The following GRB10 variants were observed in gnomAD, a reference collection of about 807,000 sequenced individuals.
The protein encoded by GRB10 is growth factor receptor-bound protein 10.
Under a neutral mutation model 80.9 loss-of-function variants are expected in GRB10, and 20 were observed. The ratio of observed to expected loss-of-function variants is 0.25; its 90% confidence interval spans 0.17 to 0.36. GRB10 has a LOEUF of 0.36. Ranked by LOEUF, GRB10 falls within the 10% of genes least tolerant of loss-of-function variation. The probability of loss-of-function intolerance (pLI) is 1.00; values close to 1 mark genes in which losing one functional copy is unlikely to be tolerated. For missense variants in GRB10, 548 were observed against 747.7 expected (o/e 0.73, Z 3.12); for synonymous variants, 291 against 291.5 (o/e 1.00, Z 0.02).
chr7:50,710,870 C>G (rs751351190), intron 4 of GRB10: 21 of 1,612,606 alleles, frequency 1.3e-5, no homozygotes, highest in Non-Finnish European at 1.8e-5. Context: ...ACAGCGGGCA[C>G]TGACCTTACT....
At chr7:50,732,403 GAAAA>G (rs796741671) in intron 3 of GRB10, 35 bp from the exon 4 acceptor site, 8 of 914,792 alleles carry the variant, frequency 8.7e-6, no homozygotes, top group Non-Finnish European at 1.2e-5. Context: ...AGCCAAGCCA[GAAAA>G]AAAAAAAAAA....
intron 7 of GRB10, among the ~76,000 whole-genome samples, chr7:50,636,851 T>C (rs1372325935): frequency 9.2e-6 from 1 of 108,390 alleles, no homozygotes; most frequent in Non-Finnish European, 2.1e-5. Context: ...TCACCACTAC[T>C]ATTAAACGTA....
intron 7 of GRB10, among the ~76,000 whole-genome samples, chr7:50,636,065 C>A (rs2054963378): frequency 6.7e-6 from 1 of 148,674 alleles, no homozygotes; most frequent in South Asian, 2.1e-4. Context: ...GCAACCTCTG[C>A]CTCCTGGGTT....
At chr7:50,785,000 G>A (rs2078633788), upstream of GRB10, among the ~76,000 whole-genome samples, 1 of 152,258 alleles carries the variant, frequency 6.6e-6, no homozygotes, top group Admixed American at 6.5e-5. Context: ...CAGGGACACA[G>A]GTCTCTGGAC....
chr7:50,700,392 C>T, intron 5 of GRB10, among the ~76,000 whole-genome samples: 1 of 152,128 alleles, frequency 6.6e-6, no homozygotes, highest in East Asian at 1.9e-4. Context: ...CGTGCTCTTA[C>T]CATGATTTTC....
intron 7 of GRB10, among the ~76,000 whole-genome samples, chr7:50,633,169 A>T (rs1031845466): frequency 1.3e-5 from 2 of 152,180 alleles, no homozygotes; most frequent in Non-Finnish European, 2.9e-5. Context: ...GGGGGATGAG[A>T]TAAGCCTCCT....
intron 7 of GRB10, among the ~76,000 whole-genome samples, chr7:50,637,848 A>C (rs1451402454): frequency 2.0e-5 from 3 of 149,840 alleles, no homozygotes; most frequent in African/African-American, 7.3e-5. Flanking sequence ...GGTAAAAAAA[A>C]CAGACATACA....
At chr7:50,669,348 G>A (rs545505053) in intron 7 of GRB10, among the ~76,000 whole-genome samples, 1 of 152,308 alleles carries the variant, frequency 6.6e-6, no homozygotes, top group East Asian at 1.9e-4. Context: ...GCAGGAACTG[G>A]CGTCTCGCAC....
intron 9 of GRB10, 129 bp downstream of exon 9, chr7:50,619,041 C>G: frequency 1.4e-6 from 1 of 696,040 alleles, no homozygotes; most frequent in South Asian, 1.5e-5. Context: ...TAAACTACAA[C>G]TCTGATTCTC....
intron 7 of GRB10, among the ~76,000 whole-genome samples, chr7:50,636,928 G>C (rs1215899443): frequency 1.3e-5 from 2 of 152,158 alleles, no homozygotes; most frequent in Non-Finnish European, 2.9e-5. Flanking sequence ...CATTGAAGAA[G>C]AGAAAGTCAA....
intron 2 of GRB10, among the ~76,000 whole-genome samples, chr7:50,767,617 T>C (rs1418221742): frequency 3.3e-5 from 5 of 152,104 alleles, no homozygotes; most frequent in Non-Finnish European, 7.4e-5. Flanking sequence ...ATACCCTCCA[T>C]ACCTACAAGA....
At position 50,632,457 on chromosome 7, in the gene GRB10, C is replaced by T. The variant is rs534197995; in HGVS notation, c.505-5479G>A. Among the ~76,000 whole-genome samples the T allele has an allele frequency of 9.2e-5, 14 of 152,316 alleles. No individual in the cohort carries two copies. The South Asian group carries it at 2.7e-3, about 29-fold the overall frequency. ...GGGCTATGGAGATGAGACTTGTGGC[C>T]TGATTTCAAATACTGGAGGAGCCCC... On this transcript the variant is annotated intron_variant, in intron 7 of 18. Coordinates refer to ENST00000401949, the MANE Select transcript of GRB10 (RefSeq NM_001350814.2).
chr7:50,676,740 G>A (rs890348852), intron 5 of GRB10, among the ~76,000 whole-genome samples: 2 of 152,186 alleles, frequency 1.3e-5, no homozygotes, highest in African/African-American at 4.8e-5. Flanking sequence ...GGGAAGTCCT[G>A]GGCAACCACG....
At chr7:50,767,129 C>T (rs2076426269) in intron 2 of GRB10, among the ~76,000 whole-genome samples, 1 of 152,076 alleles carries the variant, frequency 6.6e-6, no homozygotes, top group Non-Finnish European at 1.5e-5. Flanking sequence ...GCATGATCTC[C>T]AGTATTTAGT....
At chr7:50,717,180 TC>T (rs2067000303) in intron 4 of GRB10, among the ~76,000 whole-genome samples, 1 of 152,206 alleles carries the variant, frequency 6.6e-6, no homozygotes, top group Non-Finnish European at 1.5e-5. Context: ...GGAGACAGTC[TC>T]CCACTTTGTG....
chr7:50,783,897 T>C (rs1386917671), upstream of GRB10, among the ~76,000 whole-genome samples: 1 of 152,066 alleles, frequency 6.6e-6, no homozygotes, highest in Non-Finnish European at 1.5e-5. Flanking sequence ...CCCCTGAAGG[T>C]CACTGGAGGA....
intron 16 of GRB10, 51 bp from the exon 17 acceptor site, chr7:50,604,136 G>T: frequency 2.0e-6 from 3 of 1,486,780 alleles, no homozygotes; most frequent in East Asian, 2.3e-5. Context: ...TCTGCAGAAT[G>T]GCTTCCCTGA....
intron 5 of GRB10, among the ~76,000 whole-genome samples, chr7:50,694,109 A>G (rs1435961316): frequency 2.6e-5 from 4 of 152,166 alleles, no homozygotes; most frequent in African/African-American, 4.8e-5. Flanking sequence ...AGATCACCCA[A>G]AGTAAGGAAT....
chr7:50,635,122 T>C lies in GRB10; in HGVS notation c.505-8144A>G, dbSNP rs1306508008. Among the ~76,000 whole-genome samples, 4 of 152,364 alleles carry C rather than the reference T, an allele frequency of 2.6e-5. No homozygotes were observed. The East Asian group carries it at 7.7e-4, about 29-fold the overall frequency. ...TGCACATCAAACAAAATTGACCAGA[T>C]GCTTTGCCATAAAGCACATTTCAAT... On this transcript the variant is annotated intron_variant, in intron 7 of 18. Transcript: ENST00000401949.
Sources: allele counts gnomAD v4.1 joint callset (sites outside exome capture counted in the v4.1 genomes callset), GRCh38; gene constraint gnomAD v4.1.1; transcripts MANE v1.5; gene names NCBI Gene and HGNC (gene_info 2026-07-23, HGNC 2026-07-21).